The following CNKSR2 variants were observed in gnomAD, a reference collection of about 807,000 sequenced individuals.
CNKSR2 encodes the protein connector enhancer of kinase suppressor of Ras 2.
Under a neutral mutation model 84.4 loss-of-function variants are expected in CNKSR2, and 14 were observed. The observed-to-expected ratio is 0.17, with a 90% CI of 0.11 to 0.26. The LOEUF (loss-of-function observed/expected upper bound fraction) is 0.26, where lower values mean the gene tolerates loss of function less well. CNKSR2 is among the 10% of genes least tolerant of loss of function. The pLI, the probability that CNKSR2 is intolerant of heterozygous loss-of-function variation, is 1.00. For missense variants in CNKSR2, 485 were observed against 771.2 expected (o/e 0.63, Z 4.40); for synonymous variants, 275 against 277.9 (o/e 0.99, Z 0.10).
chrX:21,611,702 G>A (rs1270311267), intron 20 of CNKSR2, among the ~76,000 whole-genome samples: 1 of 112,013 alleles, frequency 8.9e-6, no homozygotes, highest in Non-Finnish European at 1.9e-5. Context: ...TTTCAGATGA[G>A]TTTAGTGGGT....
chrX:21,634,787 T>C (rs1384686718), intron 20 of CNKSR2, among the ~76,000 whole-genome samples: 1 of 107,660 alleles, frequency 9.3e-6, no homozygotes, highest in Admixed American at 1.0e-4. Flanking sequence ...ACTTTGAGGA[T>C]AGAATATGAA....
At chrX:21,548,639 T>C (rs1413188113) in intron 11 of CNKSR2, among the ~76,000 whole-genome samples, 1 of 111,869 alleles carries the variant, frequency 8.9e-6, no homozygotes, top group Non-Finnish European at 1.9e-5. Context: ...TTCAGGCCAG[T>C]ATCCCTGGTG....
intron 4 of CNKSR2, among the ~76,000 whole-genome samples, chrX:21,443,799 A>G (rs1398456114): frequency 1.8e-5 from 2 of 111,410 alleles, no homozygotes; most frequent in Non-Finnish European, 3.8e-5. Context: ...TTATTTTCTA[A>G]ACCTTTGTTC....
At chrX:21,586,289 G>C (rs1218491251) in intron 13 of CNKSR2, among the ~76,000 whole-genome samples, 2 of 111,910 alleles carry the variant, frequency 1.8e-5, no homozygotes, top group Non-Finnish European at 3.8e-5. Flanking sequence ...TAAAGATGCA[G>C]TTACTAAGAA....
At chrX:21,569,626 A>T (rs1319422731) in intron 13 of CNKSR2, among the ~76,000 whole-genome samples, 1 of 112,319 alleles carries the variant, frequency 8.9e-6, no homozygotes, top group Admixed American at 9.5e-5. Context: ...TCTTAATGGC[A>T]TCTAGAATAG....
chrX:21,551,403 G>A (rs1225093171), intron 11 of CNKSR2, among the ~76,000 whole-genome samples: 6 of 112,217 alleles, frequency 5.3e-5, no homozygotes, highest in African/African-American at 1.3e-4. Flanking sequence ...AATAAAGTTC[G>A]GTGGTATTCA....
chrX:21,505,680 G>A (rs1461801464), intron 8 of CNKSR2: 1 of 110,960 alleles, frequency 9.0e-6, no homozygotes, highest in Non-Finnish European at 1.9e-5. Flanking sequence ...AGAACAACAG[G>A]AGAATATTGT....
intron 11 of CNKSR2, among the ~76,000 whole-genome samples, chrX:21,535,533 G>A (rs2091920154): frequency 9.0e-6 from 1 of 110,696 alleles, no homozygotes; most frequent in African/African-American, 3.3e-5. Context: ...CATTTTTTGT[G>A]TTCTCTTCAG....
intron 3 of CNKSR2, among the ~76,000 whole-genome samples, chrX:21,439,545 G>A (rs1454412862): frequency 3.6e-5 from 4 of 110,012 alleles, no homozygotes; most frequent in Non-Finnish European, 5.7e-5. Context: ...AAATAAGTAC[G>A]GAGCAATAAG....
chrX:21,516,402 T>TA lies in CNKSR2; in HGVS notation c.811-82dup, dbSNP rs2091728869. 6 of 995,503 alleles carry TA rather than the reference T, an allele frequency of 6.0e-6. No individual in the cohort carries two copies. In the Admixed American group the frequency reaches 1.5e-4, roughly 24 times the overall value. The allele number at this position is 995,503 out of a possible 1,213,427, so 82.0% of individuals were successfully genotyped here. On this transcript the variant is annotated intron_variant, in intron 8 of 21. Coordinates refer to ENST00000379510, the MANE Select transcript of CNKSR2 (RefSeq NM_014927.5). ...ACACCAATTATGTGACTTTTTTTTT[T>TA]ACTAATCTTATTAAAGGGGGAGAAC...
chrX:21,653,194 T>A lies in CNKSR2; in HGVS notation c.*673T>A, dbSNP rs931585226. 3 of 111,788 alleles carry A rather than the reference T, an allele frequency of 2.7e-5. No homozygotes were observed. Among genetic ancestry groups the A allele is most frequent in the African/African-American group, 9.7e-5 (3 of 30,871 alleles). 9.2% of individuals were successfully genotyped at this position (111,788 alleles called of 1,213,427 possible). On this transcript the variant is annotated 3_prime_UTR_variant, in exon 22 of 22. Transcript: ENST00000379510. ...TGTATCAGGGCAAAGCTTTGTAAGA[T>A]GTTTTTGTAACTAAGACCAAAATTG...
intron 4 of CNKSR2, among the ~76,000 whole-genome samples, chrX:21,457,284 A>G (rs934108759): frequency 9.0e-6 from 1 of 111,323 alleles, no homozygotes; most frequent in Non-Finnish European, 1.9e-5. Context: ...ATATTGTACT[A>G]TATACACATT....
intron 1 of CNKSR2, among the ~76,000 whole-genome samples, chrX:21,394,356 G>C (rs2146971778): frequency 9.0e-6 from 1 of 111,373 alleles, no homozygotes; most frequent in South Asian, 3.8e-4. Context: ...ATGCATCTGG[G>C]TTATAGATTT....
intron 4 of CNKSR2, among the ~76,000 whole-genome samples, chrX:21,470,318 A>G (rs1490973071): frequency 9.0e-6 from 1 of 111,604 alleles, no homozygotes; most frequent in African/African-American, 3.3e-5. Context: ...GAAAATATAA[A>G]AGTATTTGAG....
intron 20 of CNKSR2, among the ~76,000 whole-genome samples, chrX:21,616,006 T>C (rs2092575204): frequency 8.9e-6 from 1 of 111,768 alleles, no homozygotes; most frequent in Non-Finnish European, 1.9e-5. Context: ...AAAAGAAACC[T>C]TGCATTCCAA....
intron 20 of CNKSR2, among the ~76,000 whole-genome samples, chrX:21,635,810 C>T (rs933419430): frequency 1.8e-5 from 2 of 110,367 alleles, no homozygotes; most frequent in African/African-American, 6.6e-5. Context: ...CTCCATAACC[C>T]CAACTCCCCA....
At chrX:21,406,558 A>T (rs747832649) in intron 1 of CNKSR2, among the ~76,000 whole-genome samples, 18 of 111,713 alleles carry the variant, frequency 1.6e-4, no homozygotes, top group African/African-American at 5.5e-4. Flanking sequence ...TATCTCCATT[A>T]TTTAGAAATT....
chrX:21,590,187 C>T (rs1251417410), intron 13 of CNKSR2, among the ~76,000 whole-genome samples: 2 of 111,573 alleles, frequency 1.8e-5, no homozygotes, highest in African/African-American at 6.5e-5. Context: ...TTCATGTGAA[C>T]AAAGGATAGT....
intron 3 of CNKSR2, among the ~76,000 whole-genome samples, chrX:21,435,514 C>A (rs1271531587): frequency 2.7e-5 from 3 of 111,527 alleles, no homozygotes; most frequent in Non-Finnish European, 5.7e-5. Context: ...AACACAATTC[C>A]ATTTTTTCTC....
Sources: gnomAD v4.1 joint callset for allele counts (sites outside exome capture counted in the v4.1 genomes callset) on GRCh38, gnomAD v4.1.1 for gene constraint, MANE v1.5 for transcripts, NCBI Gene and HGNC (gene_info 2026-07-23, HGNC 2026-07-21) for gene names.